Variants in LINGO2 observed in about 807,000 individuals in gnomAD.
The protein encoded by LINGO2 is leucine rich repeat and Ig domain containing 2.
Under a neutral mutation model 30.6 loss-of-function variants are expected in LINGO2, and 14 were observed. The ratio of observed to expected loss-of-function variants is 0.46; its 90% CI spans 0.30 to 0.72. LINGO2 has a LOEUF of 0.72. Among genes scored for constraint, LINGO2 ranks in the 30% least tolerant of loss-of-function variants. The pLI, the probability that LINGO2 is intolerant of heterozygous loss-of-function variation, is 0.07. For synonymous variants in LINGO2, 317 were observed against 288.5 expected (o/e 1.10, Z -1.00); for missense variants, 729 against 751.7 (o/e 0.97, Z 0.35).
At chr9:28,056,079 G>A (rs536422068) in intron 4 of LINGO2, among the ~76,000 whole-genome samples, 11 of 152,284 alleles carry the variant, frequency 7.2e-5, no homozygotes, top group South Asian at 2.1e-4. Context: ...AAAGAAAGGA[G>A]CTCCCCGCTT....
chr9:28,098,314 A>G (rs996379571), intron 4 of LINGO2, among the ~76,000 whole-genome samples: 1 of 149,492 alleles, frequency 6.7e-6, no homozygotes, highest in African/African-American at 2.4e-5. Context: ...AAAACAAAAA[A>G]CAAAAAACAA....
chr9:28,740,187 T>G, the LINGO2 span, among the ~76,000 whole-genome samples: 2 of 151,072 alleles, frequency 1.3e-5, no homozygotes, highest in Non-Finnish European at 2.9e-5. Context: ...ATGATCATTC[T>G]GGAAAATGCT....
At chr9:28,575,407 A>C (rs1563836198) in intron 1 of LINGO2, among the ~76,000 whole-genome samples, 1 of 147,870 alleles carries the variant, frequency 6.8e-6, no homozygotes, top group East Asian at 2.0e-4. Context: ...AAAAAAAAAA[A>C]CAACAAAAAA....
the LINGO2 span, among the ~76,000 whole-genome samples, chr9:29,081,149 C>T: frequency 6.6e-6 from 1 of 152,026 alleles, no homozygotes; most frequent in African/African-American, 2.4e-5. Flanking sequence ...ACCAATATCC[C>T]TGATGAACAT....
At chr9:28,509,482 A>G (rs1820284313) in intron 1 of LINGO2, among the ~76,000 whole-genome samples, 1 of 152,200 alleles carries the variant, frequency 6.6e-6, no homozygotes, top group Non-Finnish European at 1.5e-5. Flanking sequence ...CATTGTCTCC[A>G]CTAAGAATAC....
In LINGO2 at chr9:28,644,440, G is replaced by C. The variant is rs73445524; in HGVS notation, c.-365+25760C>G. On this transcript the variant is annotated intron_variant, in intron 1 of 5. Coordinates refer to ENST00000379992, the Ensembl canonical transcript of LINGO2. ...GCTAGGCCCAAAAAGACAAACACTC[G>C]ATATGTTCACTTATTTGTGAAATTT... Among the ~76,000 whole-genome samples the C allele has an allele frequency of 1.7e-3, 257 of 152,038 alleles. 1 individual carries two copies. Among genetic ancestry groups the C allele is most frequent in the African/African-American group, 5.8e-3 (239 of 41,500 alleles).
the LINGO2 span, among the ~76,000 whole-genome samples, chr9:29,122,277 C>T: frequency 1.3e-5 from 2 of 151,918 alleles, no homozygotes; most frequent in African/African-American, 4.8e-5. Flanking sequence ...TTTTGAGATA[C>T]TTCATAAAGG....
the LINGO2 span, among the ~76,000 whole-genome samples, chr9:29,011,067 T>A: frequency 6.6e-6 from 1 of 152,194 alleles, no homozygotes; most frequent in East Asian, 1.9e-4. Flanking sequence ...GTGCTCACAC[T>A]GGTTTCAAAA....
intron 1 of LINGO2, among the ~76,000 whole-genome samples, chr9:28,521,140 A>G (rs1045670482): frequency 1.2e-4 from 18 of 152,218 alleles, no homozygotes; most frequent in African/African-American, 4.3e-4. Context: ...CAGTAATATC[A>G]TTCCGTTGTA....
At chr9:28,092,453 A>C (rs1234078731) in intron 4 of LINGO2, among the ~76,000 whole-genome samples, 1 of 151,534 alleles carries the variant, frequency 6.6e-6, no homozygotes, top group African/African-American at 2.4e-5. Context: ...AGGACAAAAA[A>C]CCAAACACCG....
chr9:28,444,124 C>T (rs1199916692), intron 2 of LINGO2, among the ~76,000 whole-genome samples: 2 of 152,200 alleles, frequency 1.3e-5, no homozygotes, highest in African/African-American at 4.8e-5. Context: ...CATGCTCACC[C>T]TCCAGTTGTC....
At chr9:28,127,155 A>G (rs1208386824) in intron 4 of LINGO2, among the ~76,000 whole-genome samples, 1 of 152,196 alleles carries the variant, frequency 6.6e-6, no homozygotes. Context: ...TGTACTTGCC[A>G]CACCTTTCAT....
chr9:28,625,691 A>G (rs1480437061), intron 1 of LINGO2, among the ~76,000 whole-genome samples: 1 of 152,112 alleles, frequency 6.6e-6, no homozygotes, highest in Non-Finnish European at 1.5e-5. Flanking sequence ...GTATTTCATT[A>G]TGGTTATACT....
intron 4 of LINGO2, among the ~76,000 whole-genome samples, chr9:28,096,299 C>A (rs1052649632): frequency 2.0e-5 from 3 of 152,102 alleles, no homozygotes; most frequent in African/African-American, 7.2e-5. Context: ...TAGTAAATTA[C>A]TATCATTAAT....
At chr9:28,481,602 TTTTA>T (rs570839597) in intron 1 of LINGO2, among the ~76,000 whole-genome samples, 234 of 151,830 alleles carry the variant, frequency 1.5e-3, no homozygotes, top group African/African-American at 5.2e-3. Flanking sequence ...TCTGTGTAAG[TTTTA>T]TTTATTTATT....
At chr9:27,958,100 C>G (rs376362325) in intron 5 of LINGO2, among the ~76,000 whole-genome samples, 45 of 152,186 alleles carry the variant, frequency 3.0e-4, no homozygotes, top group African/African-American at 1.0e-3. Flanking sequence ...TCATAGATGA[C>G]CTTCATTAAG....
chr9:29,206,513 T>C, the LINGO2 span, among the ~76,000 whole-genome samples: 1 of 152,294 alleles, frequency 6.6e-6, no homozygotes, highest in Admixed American at 6.5e-5. Flanking sequence ...AGTTTATATA[T>C]TTATTGTTTA....
intron 4 of LINGO2, among the ~76,000 whole-genome samples, chr9:28,170,659 C>T (rs1828555857): frequency 6.6e-6 from 1 of 152,132 alleles, no homozygotes; most frequent in African/African-American, 2.4e-5. Context: ...GGTCTCAGGG[C>T]TGCATTCCTT....
At chr9:28,422,236 A>G (rs2134885194) in intron 2 of LINGO2, among the ~76,000 whole-genome samples, 1 of 152,228 alleles carries the variant, frequency 6.6e-6, no homozygotes, top group African/African-American at 2.4e-5. Context: ...CAACCTACAT[A>G]ATGAGTGAAA....
Sources: allele counts gnomAD v4.1 joint callset (sites outside exome capture counted in the v4.1 genomes callset), GRCh38; gene constraint gnomAD v4.1.1; transcripts MANE v1.5; gene names NCBI Gene and HGNC (gene_info 2026-07-23, HGNC 2026-07-21).